ESR1: variants seen among roughly 807,000 people sequenced by gnomAD.
The protein encoded by ESR1 is estrogen receptor.
ESR1 carries 12 observed loss-of-function variants against 52.7 expected under a neutral mutation model. The observed-to-expected ratio is 0.23, with a 90% CI of 0.15 to 0.37. The LOEUF (loss-of-function observed/expected upper bound fraction) is 0.37, where lower values mean the gene tolerates loss of function less well. ESR1 is among the 10% of genes least tolerant of loss of function. ESR1 has a pLI of 1.00. For synonymous variants in ESR1, 305 were observed against 316.8 expected (o/e 0.96, Z 0.39); for missense variants, 584 against 779.7 (o/e 0.75, Z 2.99).
intron 2 of ESR1, among the ~76,000 whole-genome samples, chr6:151,741,787 C>T (rs1783116481): frequency 1.3e-5 from 2 of 152,000 alleles, no homozygotes; most frequent in Non-Finnish European, 2.9e-5. Flanking sequence ...CGTTGTTATC[C>T]AACACTAAAA....
At chr6:151,783,799 G>A (rs1256621713) in intron 2 of ESR1, among the ~76,000 whole-genome samples, 1 of 151,990 alleles carries the variant, frequency 6.6e-6, no homozygotes, top group African/African-American at 2.4e-5. Context: ...TTCTATTCCA[G>A]TATCCCATCC....
chr6:152,003,787 T>C (rs759782839), intron 4 of ESR1, among the ~76,000 whole-genome samples: 14 of 136,136 alleles, frequency 1.0e-4, no homozygotes, highest in Non-Finnish European at 1.7e-4. Flanking sequence ...CTACAAAAAG[T>C]GAGGCCATAC....
intron 5 of ESR1, among the ~76,000 whole-genome samples, chr6:152,023,585 A>C (rs1047502794): frequency 6.6e-6 from 1 of 152,342 alleles, no homozygotes; most frequent in South Asian, 2.1e-4. Flanking sequence ...ATCATCTAAA[A>C]AACAGTTCTT....
At chr6:151,753,743 T>C (rs1188502079) in intron 2 of ESR1, among the ~76,000 whole-genome samples, 2 of 152,256 alleles carry the variant, frequency 1.3e-5, no homozygotes, top group African/African-American at 2.4e-5. Flanking sequence ...TTTGTTGACA[T>C]GGAATTTCTA....
At chr6:151,738,521 T>C (rs1782838989) in intron 2 of ESR1, among the ~76,000 whole-genome samples, 1 of 152,196 alleles carries the variant, frequency 6.6e-6, no homozygotes, top group Non-Finnish European at 1.5e-5. Flanking sequence ...CCCTCACCAA[T>C]GCTCGCTATT....
At chr6:151,948,836 T>C (rs1397659215) in intron 4 of ESR1, among the ~76,000 whole-genome samples, 1 of 152,214 alleles carries the variant, frequency 6.6e-6, no homozygotes, top group African/African-American at 2.4e-5. Flanking sequence ...GCTCAAGGCC[T>C]CTTCTGTGTC....
intron 3 of ESR1, among the ~76,000 whole-genome samples, chr6:151,912,093 T>C (rs1190092805): frequency 2.0e-5 from 3 of 152,208 alleles, no homozygotes; most frequent in South Asian, 2.1e-4. Flanking sequence ...AGTGCTACTA[T>C]ACAACATTTC....
chr6:152,014,239 A>G (rs984316486), intron 5 of ESR1, among the ~76,000 whole-genome samples: 7 of 152,128 alleles, frequency 4.6e-5, no homozygotes, highest in African/African-American at 1.4e-4. Flanking sequence ...GCAGCTTGAG[A>G]ACAGACTAAT....
intron 1 of ESR1, among the ~76,000 whole-genome samples, chr6:151,680,060 A>G (rs756210150): frequency 2.3e-4 from 35 of 152,136 alleles, no homozygotes; most frequent in Non-Finnish European, 5.0e-4. Context: ...TTCAACAGAT[A>G]CCATAAACTG....
intron 6 of ESR1, among the ~76,000 whole-genome samples, chr6:152,119,789 G>A (rs1265701614): frequency 2.0e-5 from 3 of 152,200 alleles, no homozygotes; most frequent in Non-Finnish European, 4.4e-5. Context: ...CTGGGTGCGG[G>A]TGAGGATGCT....
chr6:151,979,171 T>C (rs542190417), intron 4 of ESR1, among the ~76,000 whole-genome samples: 6 of 152,248 alleles, frequency 3.9e-5, no homozygotes, highest in African/African-American at 1.4e-4. Flanking sequence ...TTTAACTTAT[T>C]TGCCTCTTTA....
chr6:151,784,509 C>T (rs1159550329), intron 2 of ESR1, among the ~76,000 whole-genome samples: 4 of 151,990 alleles, frequency 2.6e-5, no homozygotes, highest in Admixed American at 2.0e-4. Flanking sequence ...ACCATGTTTC[C>T]ATCAAATAAC....
chr6:152,070,177 C>G lies in ESR1; in HGVS notation c.1369+9053C>G, dbSNP rs2048258950. On this transcript the variant is annotated intron_variant, in intron 6 of 7. Transcript: ENST00000206249. ...AGTTAATATCACCATTTCTGTAGTA[C>G]TCTCTATTTCAAAGGAAAAAATCTT... Among the ~76,000 whole-genome samples the G allele has an allele frequency of 4.4e-5, 6 of 136,802 alleles. 1 individual carries two copies. The allele number at this position is 136,802 out of a possible 152,430, so 89.7% of individuals were successfully genotyped here.
chr6:151,804,064 G>T (rs971844452), upstream of ESR1, among the ~76,000 whole-genome samples: 15 of 146,222 alleles, frequency 1.0e-4, no homozygotes, highest in Non-Finnish European at 1.5e-4. Flanking sequence ...GCAGGAGAGG[G>T]TAGGGAGGGA....
chr6:151,822,883 G>A (rs1041443347), intron 1 of ESR1, among the ~76,000 whole-genome samples: 2 of 152,112 alleles, frequency 1.3e-5, no homozygotes, highest in African/African-American at 2.4e-5. Flanking sequence ...AATTATGTCC[G>A]AAACAGACTT....
At chr6:151,777,394 C>T (rs1478106349) in intron 2 of ESR1, among the ~76,000 whole-genome samples, 2 of 152,050 alleles carry the variant, frequency 1.3e-5, no homozygotes, top group African/African-American at 4.8e-5. Context: ...GCTGAGATTA[C>T]AGGTGTGAGC....
chr6:152,118,377 G>A (rs1268546417), intron 6 of ESR1: 1 of 152,076 alleles, frequency 6.6e-6, no homozygotes, highest in Admixed American at 6.6e-5. Flanking sequence ...ATGATAGACT[G>A]GATAAAGAAA....
At chr6:152,084,334 A>ATTTTAGAATTTTAGGCTTCCAACATGT (rs1490184699) in intron 6 of ESR1, among the ~76,000 whole-genome samples, 1 of 152,046 alleles carries the variant, frequency 6.6e-6, no homozygotes, top group East Asian at 1.9e-4. Flanking sequence ...TGATGAGTTG[A>ATTTTAGAATTTTAGGCTTCCAACATGT]TGGGTGCAGC....
At chr6:151,985,806 A>G (rs1289661997) in intron 4 of ESR1, among the ~76,000 whole-genome samples, 2 of 151,962 alleles carry the variant, frequency 1.3e-5, no homozygotes, top group Non-Finnish European at 2.9e-5. Context: ...TAACTGGATT[A>G]CAGGTGTGTG....
Sources: gnomAD v4.1 joint callset for allele counts (sites outside exome capture counted in the v4.1 genomes callset) on GRCh38, gnomAD v4.1.1 for gene constraint, MANE v1.5 for transcripts, NCBI Gene and HGNC (gene_info 2026-07-23, HGNC 2026-07-21) for gene names.